Variants in SLC12A6 observed in about 807,000 individuals in gnomAD.
SLC12A6 encodes the protein K-Cl cotransporter 3.
In SLC12A6, 66 loss-of-function variants were observed where a neutral mutation model predicts 135.3. That is an observed-to-expected ratio of 0.49 (90% CI 0.40 to 0.60). The LOEUF is 0.60. SLC12A6 is among the 20% of genes least tolerant of loss of function. The probability of loss-of-function intolerance (pLI) is 0.00; values close to 1 mark genes in which losing one functional copy is unlikely to be tolerated. For missense variants in SLC12A6, 1,058 were observed against 1,452.3 expected (o/e 0.73, Z 4.41); for synonymous variants, 513 against 508.8 (o/e 1.01, Z -0.11).
chr15:34,237,559 G>A lies in SLC12A6; in HGVS notation c.2803-9C>T. On this transcript the variant is annotated splice_polypyrimidine_tract_variant and intron_variant, in intron 21 of 25. Coordinates refer to ENST00000354181, the MANE Select transcript of SLC12A6 (RefSeq NM_001365088.1). Reference sequence around the variant, plus strand: ...CTGCACTTTCGCCACACCTGAGAGAGTGACATACACATGTGAAAAATTAGA... The same window carrying A: ...CTGCACTTTCGCCACACCTGAGAGAATGACATACACATGTGAAAAATTAGA... 2 of 1,609,960 alleles carry A rather than the reference G, an allele frequency of 1.2e-6. No individual in the cohort carries two copies. The highest frequency in any genetic ancestry group is 2.2e-5 in the South Asian group (2 of 90,884).
Position 34,252,288 on chromosome 15 carries a change from T to A in SLC12A6, c.1215A>T (p.Leu405Phe). Residue 405 changes from leucine to phenylalanine, a missense_variant, in exon 10 of 26, where the codon TTA (leucine) becomes TTT (phenylalanine). Leu to Phe is a conservative substitution (Grantham distance 22). Transcript: ENST00000354181. ...GACTCGAGTTACAGAAGAATCCCCATAACTTTGATGGGACTGTCATGTTGT... is the reference window on the plus strand; with the variant it reads ...GACTCGAGTTACAGAAGAATCCCCAAAACTTTGATGGGACTGTCATGTTGT... The part of the protein sequence containing the change: ...EINNMTVPSK[L>F]WGFFCNSSQF... The A allele has an allele frequency of 1.9e-6, 3 of 1,607,712 alleles. No homozygotes were observed. The highest frequency in any genetic ancestry group is 2.6e-6 in the Non-Finnish European group (3 of 1,174,212).
At chr15:34,238,792 G>A (rs576430304) in intron 20 of SLC12A6, 173 bp downstream of exon 20, 2 of 721,602 alleles carry the variant, frequency 2.8e-6, no homozygotes, top group Admixed American at 3.8e-5. Context: ...ATAATGTGAA[G>A]CTGAAGGGGG....
At chr15:34,290,085 G>T (rs1223968089) in intron 2 of SLC12A6, among the ~76,000 whole-genome samples, 1 of 152,096 alleles carries the variant, frequency 6.6e-6, no homozygotes, top group Non-Finnish European at 1.5e-5. Context: ...GTTGATTTTA[G>T]ATCTCTCCTG....
chr15:34,232,009 G>A lies in SLC12A6; in HGVS notation c.*1872C>T, dbSNP rs1469361854. On this transcript the variant is annotated 3_prime_UTR_variant, in exon 26 of 26. Transcript: ENST00000354181. ...TGTCCTATTTAGTAATCAAAGAAGA[G>A]TGGCACTATTTATGACTAATAAATT... is the stretch of plus-strand genomic sequence containing the variant. 6.6e-6 allele frequency: 1 copy of A among 152,182 alleles called. No individual in the cohort carries two copies. The highest frequency in any genetic ancestry group is 6.5e-5 in the Admixed American group (1 of 15,278). 9.4% of individuals were successfully genotyped at this position (152,182 alleles called of 1,614,324 possible). A position where few individuals can be genotyped will look rare whatever the true frequency, so the allele number is the denominator to read the frequency against.
At chr15:34,285,104 T>C (rs780246753) in intron 2 of SLC12A6, among the ~76,000 whole-genome samples, 7 of 152,208 alleles carry the variant, frequency 4.6e-5, no homozygotes, top group Non-Finnish European at 8.8e-5. Context: ...TTGTTTTTAC[T>C]GTGAGATAAG....
intron 2 of SLC12A6, among the ~76,000 whole-genome samples, chr15:34,280,174 T>C (rs946976384): frequency 5.9e-5 from 9 of 152,346 alleles, no homozygotes; most frequent in Non-Finnish European, 1.2e-4. Context: ...TTTACCATCA[T>C]TGGCAGACAA....
At chr15:34,243,341 C>G (rs1284435751) in intron 16 of SLC12A6, among the ~76,000 whole-genome samples, 1 of 152,102 alleles carries the variant, frequency 6.6e-6, no homozygotes, top group Non-Finnish European at 1.5e-5. Context: ...AGAAAGTTAG[C>G]AAAGAAGAAT....
rs1239108773 is a variant in SLC12A6, at chr15:34,321,224, T to TCTTA, written c.271+15182_271+15185dup. On this transcript the variant is annotated intron_variant, in intron 2 of 25. Coordinates refer to ENST00000354181, the MANE Select transcript of SLC12A6 (RefSeq NM_001365088.1). Reference sequence around the variant, plus strand: ...CTCACCTAAATTTTATTTCATTGGTTCTTAATAGCACTGGTTTGGCTGCAC... The same window carrying TCTTA: ...CTCACCTAAATTTTATTTCATTGGTTCTTACTTAATAGCACTGGTTTGGCTGCAC... Among the ~76,000 whole-genome samples the TCTTA allele has an allele frequency of 7.2e-5, 11 of 152,350 alleles. No homozygotes were observed. The South Asian group carries it at 2.3e-3, about 32-fold the overall frequency.
At chr15:34,283,915 T>C (rs1894856479) in intron 2 of SLC12A6, among the ~76,000 whole-genome samples, 1 of 151,806 alleles carries the variant, frequency 6.6e-6, no homozygotes, top group Non-Finnish European at 1.5e-5. Context: ...ACCCAGCCAG[T>C]TTTTTGATTT....
chr15:34,302,720 G>A (rs552569566), intron 2 of SLC12A6, among the ~76,000 whole-genome samples: 2 of 152,086 alleles, frequency 1.3e-5, no homozygotes, highest in Admixed American at 6.5e-5. Context: ...GGAGGTGGAG[G>A]TGGGATGATT....
Position 34,237,556 on chromosome 15 carries a change from A to G in SLC12A6, c.2803-6T>C. 6.2e-7 allele frequency: 1 copy of G among 1,610,738 alleles called. No homozygotes were observed. Among genetic ancestry groups the G allele is most frequent in the Non-Finnish European group, 8.5e-7 (1 of 1,177,508 alleles). On this transcript the variant is annotated splice_polypyrimidine_tract_variant and splice_region_variant and intron_variant, in intron 21 of 25. Transcript: ENST00000354181. ...ATGCTGCACTTTCGCCACACCTGAG[A>G]GAGTGACATACACATGTGAAAAATT...
rs1566881353 is a variant in SLC12A6 at position 34,336,650 on chromosome 15, C to T, written c.31G>A (p.Ala11Thr). 4 of 1,614,012 alleles carry T rather than the reference C, an allele frequency of 2.5e-6. No homozygotes were observed. The highest frequency in any genetic ancestry group is 2.2e-5 in the South Asian group (2 of 91,074). ...GGTGTCACCATGAACCGAACTGAAG[C>T]CATCTTGGTGGTGGTTTCTGGAGGA... MHPPETTTKM[A>T]SVRFMVTPTK... is the part of the protein sequence containing the mutation. Residue 11 changes from alanine to threonine, a missense_variant, in exon 2 of 26, where the codon GCT (alanine) becomes ACT (threonine). Physicochemically the swap from Ala to Thr is moderately conservative, Grantham distance 58. Around this residue, in one of 6 missense-constraint regions of SLC12A6, gnomAD observed 176 missense variants for 168.9 expected, o/e 1.04. Coordinates refer to ENST00000354181, the MANE Select transcript of SLC12A6 (RefSeq NM_001365088.1).
Position 34,336,396 on chromosome 15 carries a change from G to A in SLC12A6, c.271+14C>T, listed in dbSNP as rs1392415695. On this transcript the variant is annotated intron_variant, in intron 2 of 25. Coordinates refer to ENST00000354181, the MANE Select transcript of SLC12A6 (RefSeq NM_001365088.1). ...CAGTAATGAAAGTATGCTGCGGTCT[G>A]TGTTTCTACTTACCCTCGATGACAT... 1 of 1,606,586 alleles carries A rather than the reference G, an allele frequency of 6.2e-7. No homozygotes were observed.
rs1385334860 is a variant in SLC12A6, at chr15:34,231,991, T to C, written c.*1890A>G. ...CTAGGTCAGCTTGCTCCATGTCCTA[T>C]TTAGTAATCAAAGAAGAGTGGCACT... On this transcript the variant is annotated 3_prime_UTR_variant, in exon 26 of 26. Transcript: ENST00000354181. 1.3e-5 allele frequency: 2 copies of C among 152,198 alleles called. No individual in the cohort carries two copies. Among genetic ancestry groups the C allele is most frequent in the Non-Finnish European group, 2.9e-5 (2 of 68,042 alleles). 9.4% of individuals were successfully genotyped at this position (152,198 alleles called of 1,614,324 possible).
intron 3 of SLC12A6, among the ~76,000 whole-genome samples, chr15:34,270,129 T>C (rs1409553233): frequency 6.6e-6 from 1 of 151,808 alleles, no homozygotes; most frequent in East Asian, 1.9e-4. Context: ...GACCAGTTAG[T>C]TGTGGGTTTT....
Position 34,252,049 on chromosome 15 carries a change from C to T in SLC12A6, c.1333+121G>A, listed in dbSNP as rs1595434117. 4 of 685,868 alleles carry T rather than the reference C, an allele frequency of 5.8e-6. No homozygotes were observed. In the East Asian group the frequency reaches 1.1e-4, roughly 18 times the overall value. 42.5% of individuals were successfully genotyped at this position (685,868 alleles called of 1,614,324 possible). A position where few individuals can be genotyped will look rare whatever the true frequency, so the allele number is the denominator to read the frequency against. On this transcript the variant is annotated intron_variant, in intron 10 of 25. Coordinates refer to ENST00000354181, the MANE Select transcript of SLC12A6 (RefSeq NM_001365088.1). Reference sequence around the variant, plus strand: ...GGTGAATTAAGAGCTGTGTGGTGTGCTTAAGAAGGGAATTAGCACCATGGC... The same window carrying T: ...GGTGAATTAAGAGCTGTGTGGTGTGTTTAAGAAGGGAATTAGCACCATGGC...
rs1474041598 is a variant in SLC12A6, at chr15:34,230,521, A to AGAT, written c.*3357_*3359dup. 6.6e-6 allele frequency: 1 copy of AGAT among 152,654 alleles called. No individual in the cohort carries two copies. Among genetic ancestry groups the AGAT allele is most frequent in the African/African-American group, 2.4e-5 (1 of 41,450 alleles). The allele number at this position is 152,654 out of a possible 1,614,324, so 9.5% of individuals were successfully genotyped here. A position where few individuals can be genotyped will look rare whatever the true frequency, so the allele number is the denominator to read the frequency against. Reference sequence around the variant, plus strand: ...CAGTTCAAACTTCAGCTTTTAAGATAGATAGCTATTGAAGGCAGAGGGTCA... The same window carrying AGAT: ...CAGTTCAAACTTCAGCTTTTAAGATAGATGATAGCTATTGAAGGCAGAGGGTCA... On this transcript the variant is annotated 3_prime_UTR_variant, in exon 26 of 26. Coordinates refer to ENST00000354181, the MANE Select transcript of SLC12A6 (RefSeq NM_001365088.1).
chr15:34,268,855 C>CTTTTTT (rs149179838), intron 3 of SLC12A6, among the ~76,000 whole-genome samples: 1 of 148,926 alleles, frequency 6.7e-6, no homozygotes, highest in African/African-American at 2.5e-5. Context: ...TTCTTTTTTT[C>CTTTTTT]TTTCTTTCTT....
At chr15:34,245,894 T>C (rs745843949) in intron 13 of SLC12A6, 27 bp from the exon 14 acceptor site, 12 of 1,579,850 alleles carry the variant, frequency 7.6e-6, no homozygotes, top group Non-Finnish European at 8.7e-6. Flanking sequence ...AGTGGGAAAT[T>C]TAATCTGGAA....
Sources: gnomAD v4.1 joint callset for allele counts (sites outside exome capture counted in the v4.1 genomes callset) on GRCh38, gnomAD v4.1.1 for gene constraint, gnomAD v4.1.1 regional missense constraint, MANE v1.5 for transcripts, NCBI Gene and HGNC (gene_info 2026-07-23, HGNC 2026-07-21) for gene names.